CDH13: variants seen among roughly 807,000 people sequenced by gnomAD.
CDH13 encodes cadherin 13, also known as cadherin-13.
A neutral mutation model predicts 63.8 loss-of-function variants in CDH13; 24 were observed. That is an observed-to-expected ratio of 0.38 (90% CI 0.27 to 0.53). The LOEUF (loss-of-function observed/expected upper bound fraction) is 0.53. Among genes scored for constraint, CDH13 ranks in the 20% least tolerant of loss-of-function variants. CDH13 has a pLI of 0.85. For synonymous variants in CDH13, 503 were observed against 355.3 expected, an observed-to-expected ratio of 1.42 and a Z score of -4.67; for missense variants, 1,049 against 903.1, an observed-to-expected ratio of 1.16 and a Z score of -2.07.
At chr16:83,232,680 C>G (rs910238445) in intron 5 of CDH13, among the ~76,000 whole-genome samples, 2 of 152,128 alleles carry the variant, frequency 1.3e-5, no homozygotes, top group South Asian at 4.1e-4. Flanking sequence ...TCCCCAGAAG[C>G]TGAGCAGATG....
At chr16:83,343,231 T>C (rs529004730) in intron 5 of CDH13, among the ~76,000 whole-genome samples, 2 of 152,314 alleles carry the variant, frequency 1.3e-5, no homozygotes, top group South Asian at 4.1e-4. Context: ...GCTCACTGCC[T>C]TCAAATTCTA....
chr16:83,724,001 A>G (rs965929617), intron 10 of CDH13, among the ~76,000 whole-genome samples: 45 of 142,576 alleles, frequency 3.2e-4, no homozygotes, highest in South Asian at 4.7e-4. Flanking sequence ...GAATGCATGG[A>G]TGGATGATGA....
intron 3 of CDH13, among the ~76,000 whole-genome samples, chr16:83,113,424 A>T (rs957327774): frequency 1.3e-5 from 2 of 152,240 alleles, no homozygotes; most frequent in African/African-American, 4.8e-5. Flanking sequence ...TTATTTCATA[A>T]TTGCTTTATT....
intron 6 of CDH13, among the ~76,000 whole-genome samples, chr16:83,356,282 G>C (rs966754152): frequency 6.7e-6 from 1 of 150,320 alleles, no homozygotes; most frequent in Admixed American, 6.7e-5. Flanking sequence ...GAAAGAGAAA[G>C]AGAAAACCAC....
intron 6 of CDH13, among the ~76,000 whole-genome samples, chr16:83,404,601 G>A (rs1214308697): frequency 6.6e-6 from 1 of 152,124 alleles, no homozygotes; most frequent in Non-Finnish European, 1.5e-5. Flanking sequence ...ATAGATGTGT[G>A]TGCACACACC....
At chr16:83,374,635 C>T (rs1350528243) in intron 6 of CDH13, among the ~76,000 whole-genome samples, 4 of 152,144 alleles carry the variant, frequency 2.6e-5, no homozygotes, top group East Asian at 3.9e-4. Flanking sequence ...TGATTTGTTT[C>T]GAGGCGGAAG....
chr16:82,677,698 A>G (rs572386095), intron 1 of CDH13, among the ~76,000 whole-genome samples: 36 of 152,262 alleles, frequency 2.4e-4, no homozygotes, highest in African/African-American at 8.2e-4. Flanking sequence ...GGTGTACAAT[A>G]GCACTGACAG....
intron 4 of CDH13, among the ~76,000 whole-genome samples, chr16:83,204,115 G>A (rs568101689): frequency 3.9e-5 from 6 of 152,312 alleles, no homozygotes; most frequent in Admixed American, 2.0e-4. Context: ...CATGTCACAC[G>A]GAGTTCCGAT....
chr16:82,902,295 G>T (rs1173860648), intron 2 of CDH13, among the ~76,000 whole-genome samples: 1 of 151,888 alleles, frequency 6.6e-6, no homozygotes, highest in African/African-American at 2.4e-5. Context: ...AAAACTACTG[G>T]GGAGAAAGCT....
chr16:83,281,873 A>G (rs2089186166), intron 5 of CDH13, among the ~76,000 whole-genome samples: 1 of 152,134 alleles, frequency 6.6e-6, no homozygotes, highest in South Asian at 2.1e-4. Flanking sequence ...AGATTGCACC[A>G]CTGCATTCTA....
chr16:83,609,517 G>C (rs370084721), intron 8 of CDH13, among the ~76,000 whole-genome samples: 51 of 152,292 alleles, frequency 3.3e-4, no homozygotes, highest in African/African-American at 1.2e-3. Context: ...TTTTTCCAAT[G>C]TGTTTATTAT....
chr16:83,110,705 G>T (rs754989180), intron 3 of CDH13, among the ~76,000 whole-genome samples: 3 of 152,032 alleles, frequency 2.0e-5, no homozygotes, highest in African/African-American at 4.8e-5. Context: ...TTCCAACTCA[G>T]ACATCTCTGG....
At chr16:82,722,166 C>T (rs2032814570) in intron 1 of CDH13, among the ~76,000 whole-genome samples, 1 of 152,082 alleles carries the variant, frequency 6.6e-6, no homozygotes, top group African/African-American at 2.4e-5. Flanking sequence ...CATCAGAACC[C>T]TCTCAATTTT....
intron 1 of CDH13, among the ~76,000 whole-genome samples, chr16:82,816,618 G>A (rs1160763768): frequency 1.3e-5 from 2 of 152,090 alleles, no homozygotes; most frequent in Non-Finnish European, 2.9e-5. Flanking sequence ...CCTGAGAATG[G>A]AGAGTGCCTG....
chr16:83,069,480 G>C (rs958588049), intron 3 of CDH13, among the ~76,000 whole-genome samples: 2 of 152,170 alleles, frequency 1.3e-5, no homozygotes, highest in Non-Finnish European at 2.9e-5. Context: ...CCCTAAGGTA[G>C]AAATTGTTAT....
chr16:83,593,210 G>T (rs1906927651), intron 7 of CDH13, among the ~76,000 whole-genome samples: 1 of 152,146 alleles, frequency 6.6e-6, no homozygotes, highest in Non-Finnish European at 1.5e-5. Context: ...AAGCTAAAGA[G>T]GAAACGAATG....
At chr16:83,305,365 A>G (rs939288256) in intron 5 of CDH13, among the ~76,000 whole-genome samples, 10 of 152,246 alleles carry the variant, frequency 6.6e-5, no homozygotes, top group African/African-American at 2.4e-4. Flanking sequence ...TGTTGACCAC[A>G]GAAAGCATCC....
chr16:83,140,539 G>A (rs932660642), intron 4 of CDH13, among the ~76,000 whole-genome samples: 8 of 151,976 alleles, frequency 5.3e-5, no homozygotes, highest in Non-Finnish European at 1.0e-4. Flanking sequence ...CTACAACCTC[G>A]CTGTCTCAGG....
intron 2 of CDH13, among the ~76,000 whole-genome samples, chr16:82,861,954 G>T (rs1275937431): frequency 6.6e-6 from 1 of 152,080 alleles, no homozygotes; most frequent in East Asian, 1.9e-4. Flanking sequence ...AGTTTATCTG[G>T]GAAAATGTGA....
Sources: gnomAD v4.1 joint callset for allele counts (sites outside exome capture counted in the v4.1 genomes callset) on GRCh38, gnomAD v4.1.1 for gene constraint, MANE v1.5 for transcripts, NCBI Gene and HGNC (gene_info 2026-07-23, HGNC 2026-07-21) for gene names.